The following ZNF37A variants were observed in gnomAD, a reference collection of about 807,000 sequenced individuals.
ZNF37A encodes the protein zinc finger protein 37A.
In ZNF37A, 10 loss-of-function variants were observed where a neutral mutation model predicts 12.3. The ratio of observed to expected loss-of-function variants is 0.82; its 90% CI spans 0.50 to 1.38. The LOEUF is 1.38. Ranked by LOEUF, ZNF37A falls within the 40% of genes most tolerant of loss-of-function variation. ZNF37A has a pLI of 0.00. For missense variants in ZNF37A, 580 were observed against 651.2 expected (o/e 0.89, Z 1.19); for synonymous variants, 207 against 223.0 (o/e 0.93, Z 0.64).
At chr10:38,096,760 A>C in intron 5 of ZNF37A, 128 bp downstream of exon 5, 1 of 824,162 alleles carries the variant, frequency 1.2e-6, no homozygotes, top group Non-Finnish European at 1.9e-6. Context: ...ATTACATTTC[A>C]TGGGTCAAAT....
At chr10:38,145,568 T>C (rs919782147) in intron 7 of ZNF37A, among the ~76,000 whole-genome samples, 2 of 152,232 alleles carry the variant, frequency 1.3e-5, no homozygotes, top group African/African-American at 4.8e-5. Flanking sequence ...GGGTCTTTTC[T>C]ATCAAATGAA....
intron 5 of ZNF37A, among the ~76,000 whole-genome samples, chr10:38,101,005 T>C (rs911617882): frequency 2.0e-5 from 3 of 152,238 alleles, no homozygotes; most frequent in Non-Finnish European, 4.4e-5. Context: ...ACAAAATGTC[T>C]GTTCAAGTCC....
At chr10:38,116,165 C>T (rs759754467) in intron 7 of ZNF37A, among the ~76,000 whole-genome samples, 75 of 152,036 alleles carry the variant, frequency 4.9e-4, no homozygotes, top group Non-Finnish European at 6.8e-4. Context: ...AAAAGCTCTC[C>T]GGATAATACT....
rs1259925194 is a variant in ZNF37A at position 38,118,466 on chromosome 10, T to C, written c.1315T>C (p.Tyr439His). The change falls in exon 8 of 8, where the codon TAT (tyrosine) becomes CAT (histidine). Residue 439 changes from tyrosine to histidine, a missense_variant. Physicochemically the swap from Tyr to His is moderately conservative, Grantham distance 83 (BLOSUM62 2). Transcript: ENST00000685332. Reference sequence around the variant, plus strand: ...AAGAACTCACACAGGTGAGAAACCTTATGAATGTATTCAGTGTGGAAAATT... The same window carrying C: ...AAGAACTCACACAGGTGAGAAACCTCATGAATGTATTCAGTGTGGAAAATT... ...HLRTHTGEKP[Y>H]ECIQCGKFFC... is the part of the protein sequence containing the mutation. 5 of 1,613,844 alleles carry C rather than the reference T, an allele frequency of 3.1e-6. No homozygotes were observed. The Admixed American group carries it at 8.3e-5, about 27-fold the overall frequency.
rs1464615240 is a variant in ZNF37A at position 38,120,519 on chromosome 10, G to T, written c.*1682G>T. ...CATTGAGGATAACTATAAAATTACA[G>T]AAAATATTTAAATGCAACTTATTGC... On this transcript the variant is annotated 3_prime_UTR_variant, in exon 8 of 8. Coordinates refer to ENST00000685332, the MANE Select transcript of ZNF37A (RefSeq NM_001324250.3). 1 of 152,190 alleles carries T rather than the reference G, an allele frequency of 6.6e-6. No individual in the cohort carries two copies. Among genetic ancestry groups the T allele is most frequent in the Non-Finnish European group, 1.5e-5 (1 of 68,030 alleles). The allele number at this position is 152,190 out of a possible 1,614,324, so 9.4% of individuals were successfully genotyped here.
downstream of ZNF37A, among the ~76,000 whole-genome samples, chr10:38,129,324 T>TAAAAAAAAAAAAAAAAAAA (rs1202965903): frequency 1.5e-5 from 1 of 65,048 alleles, no homozygotes; most frequent in Non-Finnish European, 3.5e-5. Context: ...AAAAAAAAAC[T>TAAAAAAAAAAAAAAAAAAA]ATTATTTTTT....
downstream of ZNF37A, among the ~76,000 whole-genome samples, chr10:38,129,767 C>T (rs2069993909): frequency 6.6e-6 from 1 of 152,082 alleles, no homozygotes; most frequent in African/African-American, 2.4e-5. Flanking sequence ...TGCCAAAAAC[C>T]CCTTATCCCA....
At chr10:38,126,976 T>C (rs959737150), downstream of ZNF37A, among the ~76,000 whole-genome samples, 2 of 152,210 alleles carry the variant, frequency 1.3e-5, no homozygotes, top group Non-Finnish European at 2.9e-5. Flanking sequence ...ATTTAAAAAC[T>C]TGGACTTGTA....
chr10:38,126,898 A>T (rs1449541155), downstream of ZNF37A, among the ~76,000 whole-genome samples: 1 of 152,202 alleles, frequency 6.6e-6, no homozygotes, highest in African/African-American at 2.4e-5. Flanking sequence ...TATCTAAGCC[A>T]TGTAGTTTGG....
At chr10:38,149,084 C>A (rs1306907967) in exon 8 of ZNF37A, 1 of 152,016 alleles carries the variant, frequency 6.6e-6, no homozygotes, top group Non-Finnish European at 1.5e-5. Flanking sequence ...GTGATCCACC[C>A]TTCTTCACCT....
At chr10:38,145,402 G>A (rs756332611) in intron 7 of ZNF37A, among the ~76,000 whole-genome samples, 2 of 152,192 alleles carry the variant, frequency 1.3e-5, no homozygotes, top group Non-Finnish European at 2.9e-5. Flanking sequence ...TGCTCCGAGA[G>A]TAATTTGAAT....
intron 7 of ZNF37A, chr10:38,142,889 A>G (rs1440764648): frequency 6.6e-6 from 1 of 152,240 alleles, no homozygotes; most frequent in Non-Finnish European, 1.5e-5. Flanking sequence ...CAGACCATGG[A>G]GTAATTTTTG....
At chr10:38,130,003 A>G (rs1225290781), downstream of ZNF37A, among the ~76,000 whole-genome samples, 2 of 152,172 alleles carry the variant, frequency 1.3e-5, no homozygotes, top group African/African-American at 4.8e-5. Flanking sequence ...CACTTTCCCA[A>G]CAAAAACTTG....
intron 7 of ZNF37A, among the ~76,000 whole-genome samples, chr10:38,132,574 ATAAAG>A (rs1231218379): frequency 6.6e-6 from 1 of 152,176 alleles, no homozygotes; most frequent in Non-Finnish European, 1.5e-5. Context: ...TATTTAATAA[ATAAAG>A]TAAGATAGTC....
chr10:38,100,034 T>C (rs192087045), intron 5 of ZNF37A, among the ~76,000 whole-genome samples: 26 of 152,206 alleles, frequency 1.7e-4, no homozygotes, highest in African/African-American at 6.3e-4. Context: ...AAGAGAGAAA[T>C]TGTAAAGCTG....
chr10:38,131,821 A>G (rs145569648), intron 7 of ZNF37A, among the ~76,000 whole-genome samples: 120 of 152,202 alleles, frequency 7.9e-4, no homozygotes, highest in African/African-American at 2.8e-3. Context: ...GCAGCATTTT[A>G]TCATTTTTAG....
chr10:38,105,691 C>T (rs1473000674), intron 5 of ZNF37A, among the ~76,000 whole-genome samples: 5 of 152,142 alleles, frequency 3.3e-5, no homozygotes, highest in African/African-American at 9.7e-5. Context: ...TAGATTTCAA[C>T]ATATGAAGTT....
intron 5 of ZNF37A, among the ~76,000 whole-genome samples, chr10:38,107,387 G>A (rs912112269): frequency 4.6e-5 from 7 of 152,158 alleles, no homozygotes; most frequent in Non-Finnish European, 8.8e-5. Context: ...ACCGGTACCA[G>A]CCACTGCAAC....
At position 38,136,415 on chromosome 10, in the gene ZNF37A, A is replaced by G. The variant is rs562202642; in HGVS notation, c.239-10317A>G. On this transcript the variant is annotated intron_variant, in intron 7 of 7. Transcript: ENST00000638053. Reference sequence around the variant, plus strand: ...GCGATCCACCCACCTCGGCCTCCCAAAGTGCTGGGATTACAGGTGTGAGCC... The same window carrying G: ...GCGATCCACCCACCTCGGCCTCCCAGAGTGCTGGGATTACAGGTGTGAGCC... 6.6e-5 allele frequency among the ~76,000 whole-genome samples: 10 copies of G among 152,296 alleles called. No homozygotes were observed. The East Asian group carries it at 1.7e-3, about 26-fold the overall frequency.
Sources: allele counts gnomAD v4.1 joint callset (sites outside exome capture counted in the v4.1 genomes callset), GRCh38; gene constraint gnomAD v4.1.1; transcripts MANE v1.5; gene names NCBI Gene and HGNC (gene_info 2026-07-23, HGNC 2026-07-21).